The following RPS6KA6 variants were observed in gnomAD, a reference collection of about 807,000 sequenced individuals.
RPS6KA6 encodes ribosomal protein S6 kinase A6, also known as ribosomal protein S6 kinase alpha-6.
In RPS6KA6, 27 loss-of-function variants were observed where a neutral mutation model predicts 65.4. That is an observed-to-expected ratio of 0.41 (90% CI 0.30 to 0.57). RPS6KA6 has a LOEUF of 0.57. Ranked by LOEUF, RPS6KA6 falls within the 20% of genes least tolerant of loss-of-function variation. The pLI is 0.24. For missense variants in RPS6KA6, 486 were observed against 555.6 expected, an observed-to-expected ratio of 0.87 and a Z score of 1.26; for synonymous variants, 190 against 184.2, an observed-to-expected ratio of 1.03 and a Z score of -0.26.
chrX:84,147,955 C>T (rs1453865928), intron 4 of RPS6KA6, 87 bp downstream of exon 4: 2 of 501,187 alleles, frequency 4.0e-6, no homozygotes, highest in African/African-American at 4.9e-5. Flanking sequence ...ATAGCTACAT[C>T]TATTCACCTT....
intron 1 of RPS6KA6, among the ~76,000 whole-genome samples, chrX:84,181,653 A>G (rs2035855280): frequency 9.0e-6 from 1 of 111,268 alleles, no homozygotes; most frequent in Middle Eastern, 4.6e-3. Context: ...TCTGGGGAAT[A>G]GATGCCCAGG....
chrX:84,151,093 G>GATATATAT (rs1296186735), intron 3 of RPS6KA6, among the ~76,000 whole-genome samples: 2 of 95,079 alleles, frequency 2.1e-5, no homozygotes, highest in African/African-American at 8.1e-5. Flanking sequence ...TAGATATATA[G>GATATATAT]AGGATAGATA....
Position 84,124,411 on chromosome X carries a change from C to T in RPS6KA6, c.647-4384G>A, listed in dbSNP as rs935797099. 6.3e-5 allele frequency among the ~76,000 whole-genome samples: 7 copies of T among 111,177 alleles called. 1 individual carries two copies. Among genetic ancestry groups the T allele is most frequent in the Admixed American group, 5.7e-4 (6 of 10,447 alleles). On this transcript the variant is annotated intron_variant, in intron 8 of 21. Transcript: ENST00000262752. ...GGAAACTCAACGAAACTAAAGATAA[C>T]GAAGAGAAGGAATTTATAATTCTAT...
chrX:84,118,110 C>T (rs367707682), intron 9 of RPS6KA6, among the ~76,000 whole-genome samples: 6 of 112,061 alleles, frequency 5.4e-5, no homozygotes, highest in Admixed American at 1.9e-4. Context: ...AAAATCATTA[C>T]GGTACATTAA....
intron 20 of RPS6KA6, among the ~76,000 whole-genome samples, chrX:84,079,486 C>A (rs755996386): frequency 3.7e-5 from 4 of 109,226 alleles, no homozygotes; most frequent in Non-Finnish European, 7.6e-5. Context: ...ACTATTCACT[C>A]CCCTGGAAAG....
intron 20 of RPS6KA6, among the ~76,000 whole-genome samples, chrX:84,089,536 C>G (rs763050029): frequency 1.3e-4 from 15 of 111,346 alleles, no homozygotes; most frequent in Non-Finnish European, 2.6e-4. Flanking sequence ...TGTGCCTCAG[C>G]AGCTGCCCCA....
intron 3 of RPS6KA6, among the ~76,000 whole-genome samples, chrX:84,151,133 T>C (rs1382407825): frequency 1.0e-5 from 1 of 96,478 alleles, no homozygotes; most frequent in Non-Finnish European, 2.0e-5. Flanking sequence ...TATATATAGA[T>C]ATATAGGATA....
At chrX:84,112,414 G>A (rs904845420) in intron 12 of RPS6KA6, among the ~76,000 whole-genome samples, 9 of 111,867 alleles carry the variant, frequency 8.0e-5, no homozygotes, top group African/African-American at 2.9e-4. Context: ...CTGAACATAT[G>A]CTTGACCATA....
At chrX:84,130,535 A>G (rs1429625624) in intron 8 of RPS6KA6, among the ~76,000 whole-genome samples, 1 of 111,832 alleles carries the variant, frequency 8.9e-6, no homozygotes, top group Non-Finnish European at 1.9e-5. Context: ...TTATGGTAAA[A>G]AGAAAACCTA....
chrX:84,128,234 C>T (rs907631663), intron 8 of RPS6KA6, among the ~76,000 whole-genome samples: 1 of 110,937 alleles, frequency 9.0e-6, no homozygotes, highest in African/African-American at 3.3e-5. Context: ...AAAATAAAAT[C>T]AAATACATAG....
At chrX:84,127,319 C>G (rs963384696) in intron 8 of RPS6KA6, among the ~76,000 whole-genome samples, 1 of 111,130 alleles carries the variant, frequency 9.0e-6, no homozygotes, top group Non-Finnish European at 1.9e-5. Context: ...AGATCAACAT[C>G]ATAATAAAAA....
chrX:84,169,794 C>T (rs2035651913), intron 1 of RPS6KA6, among the ~76,000 whole-genome samples: 1 of 111,484 alleles, frequency 9.0e-6, no homozygotes, highest in Non-Finnish European at 1.9e-5. Context: ...ACAAAACATA[C>T]ACAGGACAGC....
intron 20 of RPS6KA6, among the ~76,000 whole-genome samples, chrX:84,072,553 G>C (rs922254118): frequency 9.0e-6 from 1 of 111,358 alleles, no homozygotes; most frequent in African/African-American, 3.3e-5. Context: ...GTCCTAGCCA[G>C]AACAATTGGG....
intron 12 of RPS6KA6, among the ~76,000 whole-genome samples, chrX:84,108,984 GTTC>G (rs1170432362): frequency 8.9e-6 from 1 of 112,101 alleles, no homozygotes; most frequent in Non-Finnish European, 1.9e-5. Context: ...ACAGCCTGGT[GTTC>G]TTCTTAGAGC....
chrX:84,130,640 T>C (rs1315939825), intron 8 of RPS6KA6, among the ~76,000 whole-genome samples: 1 of 111,880 alleles, frequency 8.9e-6, no homozygotes, highest in African/African-American at 3.2e-5. Flanking sequence ...CAAATCATGG[T>C]ACCACCATAA....
intron 8 of RPS6KA6, among the ~76,000 whole-genome samples, chrX:84,130,185 C>T (rs2034871925): frequency 9.0e-6 from 1 of 110,589 alleles, no homozygotes; most frequent in African/African-American, 3.3e-5. Flanking sequence ...AGGCTGAAAA[C>T]CAAACAAACA....
At chrX:84,168,331 T>A (rs778962496) in intron 1 of RPS6KA6, among the ~76,000 whole-genome samples, 74 of 111,743 alleles carry the variant, frequency 6.6e-4, no homozygotes, top group Non-Finnish European at 1.3e-3. Flanking sequence ...GATCCATATA[T>A]CCAACTGCAT....
chrX:84,118,317 A>C (rs1220287190), intron 9 of RPS6KA6, among the ~76,000 whole-genome samples: 1 of 111,315 alleles, frequency 9.0e-6, no homozygotes, highest in Non-Finnish European at 1.9e-5. Flanking sequence ...TCCTTCCCAA[A>C]TCTTAAGTAA....
Position 84,158,118 on chromosome X carries a change from C to T in RPS6KA6, c.142-1927G>A, listed in dbSNP as rs772957864. Among the ~76,000 whole-genome samples, 113 of 110,373 alleles carry T rather than the reference C, an allele frequency of 1.0e-3. 1 individual carries two copies. The highest frequency in any genetic ancestry group is 3.6e-3 in the African/African-American group (111 of 30,475). Reference sequence around the variant, plus strand: ...CACATTGATCTCTTTATTCCTAATGCTTAGCACAATACTTTTTTGATCTCA... The same window carrying T: ...CACATTGATCTCTTTATTCCTAATGTTTAGCACAATACTTTTTTGATCTCA... On this transcript the variant is annotated intron_variant, in intron 2 of 21. Transcript: ENST00000262752.
Sources: allele counts gnomAD v4.1 joint callset (sites outside exome capture counted in the v4.1 genomes callset), GRCh38; gene constraint gnomAD v4.1.1; transcripts MANE v1.5; gene names NCBI Gene and HGNC (gene_info 2026-07-23, HGNC 2026-07-21).